The following ZNF410 variants were observed in gnomAD, a reference collection of about 807,000 sequenced individuals.
ZNF410 encodes zinc finger protein 410.
A neutral mutation model predicts 54.8 loss-of-function variants in ZNF410; 18 were observed. The observed-to-expected ratio is 0.33, with a 90% CI of 0.23 to 0.49. The LOEUF is 0.49. Ranked by LOEUF, ZNF410 falls within the 20% of genes least tolerant of loss-of-function variation. The pLI, the probability that ZNF410 is intolerant of heterozygous loss-of-function variation, is 0.99. For missense variants in ZNF410, 405 were observed against 569.6 expected (o/e 0.71, Z 2.94); for synonymous variants, 191 against 207.3 (o/e 0.92, Z 0.68).
At chr14:73,917,292 T>A (rs1028560504) in intron 8 of ZNF410, among the ~76,000 whole-genome samples, 1 of 152,218 alleles carries the variant, frequency 6.6e-6, no homozygotes, top group Admixed American at 6.5e-5. Flanking sequence ...ACCCTTTAAA[T>A]CATTGTTTTA....
At chr14:73,894,252 C>A in intron 3 of ZNF410, 1 of 686,874 alleles carries the variant, frequency 1.5e-6, no homozygotes, top group Non-Finnish European at 2.7e-6. Flanking sequence ...GTTGGATGAA[C>A]ATCAGCAGAG....
At chr14:73,930,231 C>G (rs1252049616) in intron 11 of ZNF410, among the ~76,000 whole-genome samples, 1 of 152,190 alleles carries the variant, frequency 6.6e-6, no homozygotes, top group Non-Finnish European at 1.5e-5. Context: ...ACTTTCCTGC[C>G]ACACAGCATC....
chr14:73,921,014 G>A lies in ZNF410; in HGVS notation c.1038G>A (p.Lys346=). The A allele has an allele frequency of 6.2e-7, 1 of 1,614,004 alleles. No homozygotes were observed. The highest frequency in any genetic ancestry group is 8.5e-7 in the Non-Finnish European group (1 of 1,179,984). The change falls in exon 9 of 12, where the codon AAG becomes AAA. Residue 346 remains lysine, a synonymous_variant. Coordinates refer to ENST00000555044, the MANE Select transcript of ZNF410 (RefSeq NM_021188.3). The part of the protein sequence containing the change: ...EKPHQCQVCG[K]TFSQSGSRNV... The stretch of plus-strand genomic sequence containing the variant: ...CTCATCAGTGCCAAGTCTGTGGGAA[G>A]ACCTTCTCTCAGAGTGGAAGCAGGA...
At chr14:73,888,853 C>T (rs940871329) in intron 1 of ZNF410, among the ~76,000 whole-genome samples, 1 of 152,166 alleles carries the variant, frequency 6.6e-6, no homozygotes, top group African/African-American at 2.4e-5. Context: ...TATCTTAATG[C>T]ATCCTGCTAT....
chr14:73,922,037 A>G (rs2055763412), intron 9 of ZNF410, 29 bp from the exon 10 acceptor site: 2 of 1,611,730 alleles, frequency 1.2e-6, no homozygotes, highest in Non-Finnish European at 1.7e-6. Flanking sequence ...TGATTGCTGT[A>G]TGTCTCTCAC....
chr14:73,912,264 G>C (rs2055592347), intron 8 of ZNF410, among the ~76,000 whole-genome samples: 2 of 151,778 alleles, frequency 1.3e-5, no homozygotes, highest in South Asian at 4.2e-4. Context: ...CCGCCTCCTG[G>C]GTTCAAGCAA....
intron 11 of ZNF410, chr14:73,924,906 T>G (rs2055806703): frequency 3.2e-6 from 1 of 310,362 alleles, no homozygotes; most frequent in African/African-American, 2.3e-5. Flanking sequence ...CTCGATCTCT[T>G]GACCTCGTGA....
At chr14:73,904,765 AACAAAGT>A in intron 6 of ZNF410, 130 bp from the exon 7 acceptor site, 1 of 381,976 alleles carries the variant, frequency 2.6e-6, no homozygotes, top group Non-Finnish European at 4.4e-6. Context: ...CTATAGTTTT[AACAAAGT>A]CTTCAGTTGA....
intron 4 of ZNF410, among the ~76,000 whole-genome samples, chr14:73,897,412 A>G (rs1051939690): frequency 1.3e-5 from 2 of 152,186 alleles, no homozygotes; most frequent in African/African-American, 4.8e-5. Context: ...TTAAAGACAT[A>G]AGGAAATGCT....
intron 11 of ZNF410, among the ~76,000 whole-genome samples, chr14:73,925,157 C>T (rs1360231551): frequency 6.9e-6 from 1 of 145,216 alleles, no homozygotes; most frequent in East Asian, 2.0e-4. Flanking sequence ...TGTTGTGACC[C>T]ATTGTCTTTG....
At chr14:73,904,606 C>T (rs1161491613) in intron 6 of ZNF410, among the ~76,000 whole-genome samples, 1 of 152,084 alleles carries the variant, frequency 6.6e-6, no homozygotes, top group East Asian at 1.9e-4. Flanking sequence ...TACAGGCTTG[C>T]ACCACCACAC....
At chr14:73,902,394 C>T (rs757004657) in intron 5 of ZNF410, among the ~76,000 whole-genome samples, 35 of 152,160 alleles carry the variant, frequency 2.3e-4, no homozygotes, top group Non-Finnish European at 4.4e-4. Context: ...CAAGTAAACA[C>T]ATTTTTAAAA....
chr14:73,907,519 C>T lies in ZNF410; in HGVS notation c.914-1822C>T, dbSNP rs747499546. Among the ~76,000 whole-genome samples, 43 of 151,898 alleles carry T rather than the reference C, an allele frequency of 2.8e-4. 1 individual carries two copies. Among genetic ancestry groups the T allele is most frequent in the African/African-American group, 3.6e-4 (15 of 41,306 alleles). ...CTGAGGCAGGAGAAGTGCTTGAACTCGGGAGTTAGAGGTTGCAGTGAGCCG... is the reference window on the plus strand; with the variant it reads ...CTGAGGCAGGAGAAGTGCTTGAACTTGGGAGTTAGAGGTTGCAGTGAGCCG... On this transcript the variant is annotated intron_variant, in intron 7 of 11. Coordinates refer to ENST00000555044, the MANE Select transcript of ZNF410 (RefSeq NM_021188.3).
intron 6 of ZNF410, 78 bp from the exon 7 acceptor site, chr14:73,904,824 A>G: frequency 6.7e-7 from 1 of 1,482,040 alleles, no homozygotes; most frequent in Non-Finnish European, 9.1e-7. Flanking sequence ...TTGCCTTGAG[A>G]GTCAATAGGG....
At chr14:73,915,119 A>G (rs1467785687) in intron 8 of ZNF410, among the ~76,000 whole-genome samples, 2 of 150,738 alleles carry the variant, frequency 1.3e-5, no homozygotes, top group African/African-American at 2.4e-5. Flanking sequence ...AAAATTATCC[A>G]GGTGTGGTAG....
At chr14:73,922,318 G>GT in intron 10 of ZNF410, 112 bp downstream of exon 10, 1 of 1,164,590 alleles carries the variant, frequency 8.6e-7, no homozygotes, top group African/African-American at 1.5e-5. Flanking sequence ...AGTAGCTGTG[G>GT]TATGAGTAGC....
chr14:73,924,843 A>G lies in ZNF410; in HGVS notation c.1398+1321A>G, dbSNP rs377511574. 583 of 326,532 alleles carry G rather than the reference A, an allele frequency of 1.8e-3. 3 individuals are homozygous for G. Among genetic ancestry groups the G allele is most frequent in the African/African-American group, 0.013 (561 of 43,976 alleles). The allele number at this position is 326,532 out of a possible 1,614,324, so 20.2% of individuals were successfully genotyped here. A position where few individuals can be genotyped will look rare whatever the true frequency, so the allele number is the denominator to read the frequency against. ...AGGTGCGTGCCACCACGCCCAGCTA[A>G]TTTTTTTGTATTTTTAGTAGAGACA... On this transcript the variant is annotated intron_variant, in intron 11 of 11. Coordinates refer to ENST00000555044, the MANE Select transcript of ZNF410 (RefSeq NM_021188.3).
At chr14:73,894,867 A>G (rs1280993734) in intron 3 of ZNF410, among the ~76,000 whole-genome samples, 2 of 152,204 alleles carry the variant, frequency 1.3e-5, no homozygotes, top group African/African-American at 2.4e-5. Context: ...AACCAGTTAG[A>G]AAAGTTGAAG....
At chr14:73,908,770 T>A (rs2055530588) in intron 7 of ZNF410, among the ~76,000 whole-genome samples, 1 of 152,220 alleles carries the variant, frequency 6.6e-6, no homozygotes, top group African/African-American at 2.4e-5. Context: ...TTTTTGTATT[T>A]ATGAATTCAT....
Sources: gnomAD v4.1 joint callset for allele counts (sites outside exome capture counted in the v4.1 genomes callset) on GRCh38, gnomAD v4.1.1 for gene constraint, MANE v1.5 for transcripts, NCBI Gene and HGNC (gene_info 2026-07-23, HGNC 2026-07-21) for gene names.